Variants in RHPN1 observed in about 807,000 individuals in gnomAD.
The protein encoded by RHPN1 is rhophilin Rho GTPase binding protein 1, also known as rhophilin-1.
A neutral mutation model predicts 74.7 loss-of-function variants in RHPN1; 77 were observed. The ratio of observed to expected loss-of-function variants is 1.03; its 90% CI spans 0.86 to 1.25. RHPN1 has a LOEUF of 1.25. Ranked by LOEUF, RHPN1 falls within the 50% of genes most tolerant of loss-of-function variation. The pLI is 0.00. For synonymous variants in RHPN1, 444 were observed against 414.5 expected (o/e 1.07, Z -0.87); for missense variants, 987 against 932.2 (o/e 1.06, Z -0.77).
chr8:143,365,960 C>T (rs1362042554), upstream of RHPN1, among the ~76,000 whole-genome samples: 1 of 151,068 alleles, frequency 6.6e-6, no homozygotes, highest in Non-Finnish European at 1.5e-5. Context: ...TGTGATCACA[C>T]CACTGCACTC....
chr8:143,367,867 C>T (rs928061639), upstream of RHPN1: 1 of 152,238 alleles, frequency 6.6e-6, no homozygotes, highest in African/African-American at 2.4e-5. Flanking sequence ...CACACGAAAT[C>T]CGAGCGGGCT....
chr8:143,378,342 G>A lies in RHPN1; in HGVS notation c.455G>A (p.Arg152Gln), dbSNP rs534518055. The A allele has an allele frequency of 1.5e-5, 23 of 1,549,230 alleles. No individual in the cohort carries two copies. The highest frequency in any genetic ancestry group is 1.9e-4 in the Middle Eastern group (1 of 5,336). Reference protein sequence around the residue: ...EAEIRELEALRQAMRTPSRNE... With the variant: ...EAEIRELEALQQAMRTPSRNE... ...GAAATCAGGGAGCTGGAGGCCCTGC[G>A]GCAGGTGTGTGGTTCCCCCGCCCAC... The change falls in exon 5 of 15, where the codon CGG becomes CAG. Residue 152 changes from arginine (R) to glutamine (Q), a missense_variant. Coordinates refer to ENST00000289013, the MANE Select transcript of RHPN1 (RefSeq NM_052924.3).
chr8:143,368,897 G>A lies in RHPN1; in HGVS notation c.-91G>A. 1 of 985,892 alleles carries A rather than the reference G, an allele frequency of 1.0e-6. No homozygotes were observed. Among genetic ancestry groups the A allele is most frequent in the Non-Finnish European group, 1.3e-6 (1 of 745,360 alleles). The allele number at this position is 985,892 out of a possible 1,614,324, so 61.1% of individuals were successfully genotyped here. On this transcript the variant is annotated 5_prime_UTR_variant, in exon 1 of 15. It adds an upstream start codon to the 5' untranslated region. Transcript: ENST00000289013. ...GGGCACTCAGGAGCCCGCGGCCCAG[G>A]TGGTGCGGGCGGCCCTAGCCCGGCT...
In RHPN1 at chr8:143,379,957, C is replaced by T. The variant is rs1309368603; in HGVS notation, c.1074C>T (p.His358=). The stretch of plus-strand genomic sequence containing the variant: ...ACTTCCGCTCCCTGGCCCACTACCA[C>T]GTAGCCATGGCCCTCTGCGACGGCT... ...AEYFRSLAHY[H]VAMALCDGSP... Residue 358 remains histidine (H), a synonymous_variant, in exon 9 of 15, where the codon CAC becomes CAT. Transcript: ENST00000289013. The T allele has an allele frequency of 9.5e-6, 15 of 1,575,726 alleles. No homozygotes were observed. The highest frequency in any genetic ancestry group is 3.5e-5 in the South Asian group (3 of 86,000).
intron 1 of RHPN1, among the ~76,000 whole-genome samples, chr8:143,375,337 G>A (rs1033037036): frequency 2.6e-5 from 4 of 152,318 alleles, no homozygotes; most frequent in Admixed American, 6.5e-5. Context: ...CACCGACCAC[G>A]TCCTTCTGCA....
In RHPN1 at chr8:143,378,685, C is replaced by T. The variant is rs1360094250; in HGVS notation, c.460-11C>T. Reference sequence around the variant, plus strand: ...CCAGGGCGGTGGGGCCCAGTGGCTCCTGCCCTGCAGGCCATGCGGACCCCC... The same window carrying T: ...CCAGGGCGGTGGGGCCCAGTGGCTCTTGCCCTGCAGGCCATGCGGACCCCC... On this transcript the variant is annotated splice_polypyrimidine_tract_variant and intron_variant, in intron 5 of 14. Transcript: ENST00000289013. 2 of 1,592,532 alleles carry T rather than the reference C, an allele frequency of 1.3e-6. No homozygotes were observed. Among genetic ancestry groups the T allele is most frequent in the South Asian group, 2.3e-5 (2 of 87,904 alleles).
Position 143,379,340 on chromosome 8 carries a change from C to T in RHPN1, c.777C>T (p.Asn259=), listed in dbSNP as rs537365627. The T allele has an allele frequency of 3.8e-6, 6 of 1,598,966 alleles. No individual in the cohort carries two copies. The East Asian group carries it at 6.8e-5, about 18-fold the overall frequency. ...GGGCCTTCAGCCTCCTGAGGGAGAA[C>T]TTCTCCCATGCGCCGAGCCCAGACA... ...AAGAFSLLRE[N]FSHAPSPDMS... The change falls in exon 8 of 15, where the codon AAC becomes AAT. Residue 259 remains asparagine (N), a synonymous_variant. Coordinates refer to ENST00000289013, the MANE Select transcript of RHPN1 (RefSeq NM_052924.3).
chr8:143,371,303 GCTTCCAGTT>G (rs1336526819), intron 1 of RHPN1, among the ~76,000 whole-genome samples: 1 of 152,168 alleles, frequency 6.6e-6, no homozygotes, highest in Non-Finnish European at 1.5e-5. Context: ...CCCTCCTGGG[GCTTCCAGTT>G]CTTGCATTCA....
Position 143,369,023 on chromosome 8 carries a change from C to G in RHPN1, c.36C>G (p.Ala12=), listed in dbSNP as rs112907341. The change falls in exon 1 of 15, where the codon GCC becomes GCG. Residue 12 remains alanine, a synonymous_variant. Transcript: ENST00000289013. ...AGGAGAGGCCGGACGGCGCGGGCGC[C>G]GGCGAGGAGAGCCCGCGGCTGCAGG... is the stretch of plus-strand genomic sequence containing the variant. ...ILEERPDGAG[A]GEESPRLQGC... is the part of the protein sequence containing the mutation. 10 of 1,495,476 alleles carry G rather than the reference C, an allele frequency of 6.7e-6. No individual in the cohort carries two copies. In the Admixed American group the frequency reaches 1.5e-4, roughly 23 times the overall value. 92.6% of individuals were successfully genotyped at this position (1,495,476 alleles called of 1,614,324 possible). A position where few individuals can be genotyped will look rare whatever the true frequency, so the allele number is the denominator to read the frequency against.
chr8:143,381,824 G>C lies in RHPN1; in HGVS notation c.1653G>C (p.Glu551Asp). ...GSQAAAAGLK[E>D]GDYIVSVNGQ... ...CCCCACAGGCGGCTGGCCTGAAGGA[G>C]GGCGACTACATTGTGTCAGTGAATG... The change falls in exon 14 of 15, where the codon GAG (glutamate) becomes GAC (aspartate). Residue 551 changes from glutamate to aspartate, a missense_variant. By Grantham distance (45) the Glu-to-Asp change is conservative. Transcript: ENST00000289013. 1.2e-6 allele frequency: 2 copies of C among 1,612,896 alleles called. No individual in the cohort carries two copies. The highest frequency in any genetic ancestry group is 1.7e-6 in the Non-Finnish European group (2 of 1,179,700).
intron 1 of RHPN1, among the ~76,000 whole-genome samples, chr8:143,371,155 C>A (rs1817795662): frequency 6.6e-6 from 1 of 152,160 alleles, no homozygotes; most frequent in African/African-American, 2.4e-5. Context: ...CGTGAGTGGC[C>A]AGTCTATGAT....
At chr8:143,372,298 T>G (rs1296754157) in intron 1 of RHPN1, among the ~76,000 whole-genome samples, 9 of 125,986 alleles carry the variant, frequency 7.1e-5, no homozygotes, top group Non-Finnish European at 9.9e-5. Context: ...GTGGGAAAGG[T>G]AGGGATGGGA....
In RHPN1 at chr8:143,383,692, C is replaced by G. The variant is rs993436889; in HGVS notation, c.*1041C>G. The G allele has an allele frequency of 6.5e-6, 1 of 152,740 alleles. No individual in the cohort carries two copies. The highest frequency in any genetic ancestry group is 2.4e-5 in the African/African-American group (1 of 41,454). The allele number at this position is 152,740 out of a possible 1,614,324, so 9.5% of individuals were successfully genotyped here. The stretch of plus-strand genomic sequence containing the variant: ...GCCGGAGCCGGAGCGGAGGCCCCCA[C>G]CGAGGGCCCCAGGGCCTGGCAGGTT... On this transcript the variant is annotated 3_prime_UTR_variant, in exon 15 of 15. Transcript: ENST00000289013.
At position 143,382,531 on chromosome 8, in the gene RHPN1, C is replaced by G. The variant is rs554774509; in HGVS notation, c.1893C>G (p.Pro631=). 3 of 1,610,874 alleles carry G rather than the reference C, an allele frequency of 1.9e-6. No homozygotes were observed. The highest frequency in any genetic ancestry group is 2.5e-6 in the Non-Finnish European group (3 of 1,179,306). The stretch of plus-strand genomic sequence containing the variant: ...CCCCGGCATCCACGTGGGCCAGTCC[C>G]CGGCCCCTCCTCAACTGGAGCCGAA... ...CKTPASTWAS[P]RPLLNWSRKA... Residue 631 remains proline (P), a synonymous_variant, in exon 15 of 15, where the codon CCC becomes CCG. Transcript: ENST00000289013.
chr8:143,382,607 A>C lies in RHPN1; in HGVS notation c.1969A>C (p.Lys657Gln). ...CTGCCCCCAGCCCTGTGCCCCAGTG[A>C]AGCCAGCTCCGCCCTCATCCTTGAA... ...GGCPQPCAPVKPAPPSSLKHP... is the reference protein window; with the variant it reads ...GGCPQPCAPVQPAPPSSLKHP... The change falls in exon 15 of 15, where the codon AAG becomes CAG. Residue 657 changes from lysine to glutamine, a missense_variant. Physicochemically the swap from Lys to Gln is moderately conservative, Grantham distance 53. Transcript: ENST00000289013. The C allele has an allele frequency of 6.2e-7, 1 of 1,610,868 alleles. No homozygotes were observed. The highest frequency in any genetic ancestry group is 1.7e-5 in the Admixed American group (1 of 59,990).
In RHPN1 at chr8:143,382,528, T is replaced by C. The variant is rs747469187; in HGVS notation, c.1890T>C (p.Ser630=). 1.2e-6 allele frequency: 2 copies of C among 1,610,668 alleles called. No individual in the cohort carries two copies. Among genetic ancestry groups the C allele is most frequent in the Middle Eastern group, 1.7e-4 (1 of 5,832 alleles). ...GCKTPASTWA[S]PRPLLNWSRK... is the part of the protein sequence containing the mutation. ...AGACCCCGGCATCCACGTGGGCCAG[T>C]CCCCGGCCCCTCCTCAACTGGAGCC... Residue 630 remains serine, a synonymous_variant, in exon 15 of 15, where the codon AGT becomes AGC. Transcript: ENST00000289013.
rs1333279138 is a variant in RHPN1, at chr8:143,382,550, A to G, written c.1912A>G (p.Ser638Gly). The change falls in exon 15 of 15, where the codon AGC (serine) becomes GGC (glycine). Residue 638 changes from serine to glycine, a missense_variant. Physicochemically the swap from Ser to Gly is moderately conservative, Grantham distance 56. Transcript: ENST00000289013. The stretch of plus-strand genomic sequence containing the variant: ...CAGTCCCCGGCCCCTCCTCAACTGG[A>G]GCCGAAAGGCCCAGCAGGGCAAGAC... ...WASPRPLLNWSRKAQQGKTGG... is the reference protein window; with the variant it reads ...WASPRPLLNWGRKAQQGKTGG... 6.2e-7 allele frequency: 1 copy of G among 1,611,650 alleles called. No homozygotes were observed.
intron 11 of RHPN1, 30 bp downstream of exon 11, chr8:143,380,813 G>T: frequency 1.3e-6 from 2 of 1,494,000 alleles, no homozygotes; most frequent in South Asian, 2.6e-5. Flanking sequence ...CTGGGTGGCT[G>T]CATCCCTGGC....
Position 143,378,257 on chromosome 8 carries a change from G to A in RHPN1, c.382-12G>A. 3 of 1,562,844 alleles carry A rather than the reference G, an allele frequency of 1.9e-6. No individual in the cohort carries two copies. Among genetic ancestry groups the A allele is most frequent in the Non-Finnish European group, 2.6e-6 (3 of 1,153,494 alleles). On this transcript the variant is annotated splice_polypyrimidine_tract_variant and intron_variant, in intron 4 of 14. Coordinates refer to ENST00000289013, the MANE Select transcript of RHPN1 (RefSeq NM_052924.3). ...AGGGGTACTGTGGATGCCAACACCTGCCCCCCATCAGGAGCTGATCTCAGT... is the reference window on the plus strand; with the variant it reads ...AGGGGTACTGTGGATGCCAACACCTACCCCCCATCAGGAGCTGATCTCAGT...
Sources: gnomAD v4.1 joint callset for allele counts (sites outside exome capture counted in the v4.1 genomes callset) on GRCh38, gnomAD v4.1.1 for gene constraint, MANE v1.5 for transcripts, NCBI Gene and HGNC (gene_info 2026-07-23, HGNC 2026-07-21) for gene names.